The following PGM3 variants were observed in gnomAD, a reference collection of about 807,000 sequenced individuals.
PGM3 encodes phosphoacetylglucosamine mutase.
PGM3 carries 40 observed loss-of-function variants against 66.2 expected under a neutral mutation model. The observed-to-expected ratio is 0.60, with a 90% CI of 0.47 to 0.79. The LOEUF is 0.79. PGM3 is among the 30% of genes least tolerant of loss of function. The pLI is 0.00. For synonymous variants in PGM3, 191 were observed against 224.2 expected, an observed-to-expected ratio of 0.85 and a Z score of 1.32; for missense variants, 537 against 643.4, an observed-to-expected ratio of 0.83 and a Z score of 1.79.
Position 83,178,755 on chromosome 6 carries a change from A to G in PGM3, c.947T>C (p.Ile316Thr). 1 of 1,536,752 alleles carries G rather than the reference A, an allele frequency of 6.5e-7. No individual in the cohort carries two copies. Among genetic ancestry groups the G allele is most frequent in the Non-Finnish European group, 9.0e-7 (1 of 1,109,612 alleles). The change falls in exon 8 of 13, where the codon ATT (isoleucine) becomes ACT (threonine). Residue 316 changes from isoleucine to threonine, a missense_variant and splice_region_variant. Coordinates refer to ENST00000513973, the MANE Select transcript of PGM3 (RefSeq NM_015599.3). ...AACACCAATATTCAAACTTTCTCCA[A>G]TCTAGACAAAAACAATGATACTTAA... ...SSFLKELLVE[I>T]GESLNIGVVQ... is the part of the protein sequence containing the mutation.
At chr6:83,169,352 G>A in intron 12 of PGM3, 29 bp from the exon 13 acceptor site, 1 of 1,612,246 alleles carries the variant, frequency 6.2e-7, no homozygotes, top group Non-Finnish European at 8.5e-7. Context: ...GAGATTAGAT[G>A]AGAAAGACAT....
the PGM3 span, chr6:83,153,645 T>C: frequency 6.6e-7 from 1 of 1,514,988 alleles, no homozygotes; most frequent in Non-Finnish European, 9.0e-7. Flanking sequence ...TAAATAGTTT[T>C]TAAAATTAAT....
chr6:83,155,965 G>T, the PGM3 span: 2 of 1,613,280 alleles, frequency 1.2e-6, no homozygotes, highest in Non-Finnish European at 1.7e-6. Flanking sequence ...TGTAGCAGTG[G>T]CTCAAAGCAG....
Position 83,188,753 on chromosome 6 carries a change from C to A in PGM3, c.250G>T (p.Ala84Ser). The change falls in exon 3 of 13, where the codon GCA becomes TCA. Residue 84 changes from alanine to serine, a missense_variant. By Grantham distance (99) the Ala-to-Ser change is moderately conservative. Coordinates refer to ENST00000513973, the MANE Select transcript of PGM3 (RefSeq NM_015599.3). ...GTGGCATGTTCCTCCCAGGATGGTG[C>A]CAACATTTCACCCAAAGGATCAACC... ...KLVDPLGEML[A>S]PSWEEHATCL... The A allele has an allele frequency of 1.2e-6, 2 of 1,614,032 alleles. No individual in the cohort carries two copies. Among genetic ancestry groups the A allele is most frequent in the Non-Finnish European group, 1.7e-6 (2 of 1,179,924 alleles).
chr6:83,160,058 G>A, downstream of PGM3: 1 of 1,136,970 alleles, frequency 8.8e-7, no homozygotes, highest in Non-Finnish European at 1.3e-6. Context: ...TGTGTAAGTT[G>A]AAATATTCCT....
At chr6:83,162,583 T>A (rs540639686), downstream of PGM3, among the ~76,000 whole-genome samples, 1 of 152,186 alleles carries the variant, frequency 6.6e-6, no homozygotes, top group Non-Finnish European at 1.5e-5. Context: ...TACAACCTTA[T>A]GAGGTAGTTA....
the PGM3 span, among the ~76,000 whole-genome samples, chr6:83,152,838 G>A: frequency 2.6e-5 from 4 of 151,816 alleles, no homozygotes; most frequent in African/African-American, 7.3e-5. Flanking sequence ...GGCTGGTCTC[G>A]AACTCCTGAC....
At chr6:83,173,675 G>A (rs935727723) in intron 10 of PGM3, among the ~76,000 whole-genome samples, 1 of 152,090 alleles carries the variant, frequency 6.6e-6, no homozygotes, top group African/African-American at 2.4e-5. Flanking sequence ...CTTTTCCATA[G>A]CCAAACGACA....
intron 4 of PGM3, among the ~76,000 whole-genome samples, chr6:83,185,761 C>CAATA (rs900666414): frequency 1.3e-5 from 2 of 151,416 alleles, no homozygotes; most frequent in African/African-American, 4.9e-5. Flanking sequence ...CCATCTCAAA[C>CAATA]AATAAATAAA....
At chr6:83,191,951 T>A (rs1789113570) in intron 1 of PGM3, among the ~76,000 whole-genome samples, 1 of 79,536 alleles carries the variant, frequency 1.3e-5, no homozygotes, top group African/African-American at 4.9e-5. Context: ...AAAGGGAGAC[T>A]CGGTCTCAAA....
chr6:83,181,251 G>C (rs913282338), intron 6 of PGM3, among the ~76,000 whole-genome samples: 1 of 152,166 alleles, frequency 6.6e-6, no homozygotes, highest in African/African-American at 2.4e-5. Flanking sequence ...ATTTAATTCA[G>C]ATAAGGTATC....
At chr6:83,161,364 A>C (rs1248392970), downstream of PGM3, 1 of 152,216 alleles carries the variant, frequency 6.6e-6, no homozygotes, top group Non-Finnish European at 1.5e-5. Flanking sequence ...AAAGAGTAAT[A>C]TCTTAGCATG....
At chr6:83,188,565 T>C (rs1228390218) in intron 3 of PGM3, 49 bp downstream of exon 3, 3 of 1,391,346 alleles carry the variant, frequency 2.2e-6, no homozygotes, top group Non-Finnish European at 1.0e-6. Context: ...CAATCGTTTA[T>C]ATCACGTTCC....
At chr6:83,182,295 G>A (rs1788231688) in intron 5 of PGM3, among the ~76,000 whole-genome samples, 1 of 152,138 alleles carries the variant, frequency 6.6e-6, no homozygotes, top group Non-Finnish European at 1.5e-5. Context: ...TCTTTTTATA[G>A]TATGTGACAT....
Position 83,168,912 on chromosome 6 carries a change from GT to G in PGM3, c.*321del, listed in dbSNP as rs970505642. 1 of 1,083,836 alleles carries G rather than the reference GT, an allele frequency of 9.2e-7. No homozygotes were observed. The highest frequency in any genetic ancestry group is 1.6e-5 in the African/African-American group (1 of 61,346). 67.1% of individuals were successfully genotyped at this position (1,083,836 alleles called of 1,614,324 possible). On this transcript the variant is annotated 3_prime_UTR_variant, in exon 13 of 13. Coordinates refer to ENST00000513973, the MANE Select transcript of PGM3 (RefSeq NM_015599.3). ...ATGGCAAAGATATCACAAGGAGTTG[GT>G]AATAAGATTTAATTTTCCAGTAGCC...
In PGM3 at chr6:83,166,869, T is replaced by C. The variant is rs569824362; in HGVS notation, c.*2365A>G. 1.0e-6 allele frequency: 1 copy of C among 994,582 alleles called. No homozygotes were observed. Among genetic ancestry groups the C allele is most frequent in the South Asian group, 4.6e-5 (1 of 21,866 alleles). 61.6% of individuals were successfully genotyped at this position (994,582 alleles called of 1,614,324 possible). ...AGAAGGCAAACTCCATTTGTTAATATGACAGATTGTAATTCTGCTTCCTAA... is the reference window on the plus strand; with the variant it reads ...AGAAGGCAAACTCCATTTGTTAATACGACAGATTGTAATTCTGCTTCCTAA... On this transcript the variant is annotated 3_prime_UTR_variant, in exon 13 of 13. Coordinates refer to ENST00000513973, the MANE Select transcript of PGM3 (RefSeq NM_015599.3).
chr6:83,177,148 G>A (rs1166326057), intron 8 of PGM3, among the ~76,000 whole-genome samples: 1 of 152,134 alleles, frequency 6.6e-6, no homozygotes, highest in Non-Finnish European at 1.5e-5. Context: ...GCCCCCTGCT[G>A]CCCTCATTCA....
chr6:83,191,161 G>C (rs1789011574), intron 1 of PGM3, 147 bp from the exon 2 acceptor site: 1 of 1,500,200 alleles, frequency 6.7e-7, no homozygotes, highest in South Asian at 1.2e-5. Flanking sequence ...ATGGGCAGGA[G>C]AGTAAGTCCT....
chr6:83,190,193 C>A (rs1788943339), intron 2 of PGM3, among the ~76,000 whole-genome samples: 1 of 152,148 alleles, frequency 6.6e-6, no homozygotes, highest in African/African-American at 2.4e-5. Flanking sequence ...GTAATCATTT[C>A]ACAATGTATA....
Sources: gnomAD v4.1 joint callset for allele counts (sites outside exome capture counted in the v4.1 genomes callset) on GRCh38, gnomAD v4.1.1 for gene constraint, MANE v1.5 for transcripts, NCBI Gene and HGNC (gene_info 2026-07-23, HGNC 2026-07-21) for gene names.